The following SLC45A2 variants were observed in gnomAD, a reference collection of about 807,000 sequenced individuals.
SLC45A2 encodes the protein membrane-associated transporter protein.
Under a neutral mutation model 45.5 loss-of-function variants are expected in SLC45A2, and 36 were observed. The ratio of observed to expected loss-of-function variants is 0.79; its 90% CI spans 0.61 to 1.04. SLC45A2 has a LOEUF of 1.04. Among genes scored for constraint, SLC45A2 ranks in the 50% least tolerant of loss-of-function variants. SLC45A2 has a pLI of 0.00. For synonymous variants in SLC45A2, 306 were observed against 269.3 expected, an observed-to-expected ratio of 1.14 and a Z score of -1.33; for missense variants, 719 against 671.0, an observed-to-expected ratio of 1.07 and a Z score of -0.79.
chr5:33,969,065 C>CTCTCTCTCTCTCTCTCTCTCTCTCTG lies in SLC45A2; in HGVS notation c.563-5050_563-5049insCAGAGAGAGAGAGAGAGAGAGAGAGA. ...AGCTACTCTCTCTCTCTCTCTCTCTCTGTGTGTGTGTGTGTGTGTGTGTGT... is the reference window on the plus strand; with the variant it reads ...AGCTACTCTCTCTCTCTCTCTCTCTCTCTCTCTCTCTCTCTCTCTCTCTCTGTGTGTGTGTGTGTGTGTGTGTGTGT... On this transcript the variant is annotated intron_variant, in intron 2 of 6. Transcript: ENST00000296589. 2.4e-3 allele frequency among the ~76,000 whole-genome samples: 243 copies of CTCTCTCTCTCTCTCTCTCTCTCTCTG among 102,448 alleles called. 2 individuals carry two copies. Among genetic ancestry groups the CTCTCTCTCTCTCTCTCTCTCTCTCTG allele is most frequent in the Non-Finnish European group, 3.8e-3 (188 of 49,642 alleles). The allele number at this position is 102,448 out of a possible 152,430, so 67.2% of individuals were successfully genotyped here.
intron 3 of SLC45A2, among the ~76,000 whole-genome samples, chr5:33,961,138 C>A (rs913072583): frequency 3.3e-5 from 5 of 152,080 alleles, no homozygotes; most frequent in East Asian, 3.9e-4. Context: ...GTGAATGAAC[C>A]AAGCACACAG....
chr5:33,951,616 C>T lies in SLC45A2; in HGVS notation c.1094G>A (p.Arg365Lys). 3 of 1,614,234 alleles carry T rather than the reference C, an allele frequency of 1.9e-6. No individual in the cohort carries two copies. Among genetic ancestry groups the T allele is most frequent in the Non-Finnish European group, 2.5e-6 (3 of 1,180,040 alleles). ...HNSTEFLIYERGVEVGCWGLC... is the reference protein window; with the variant it reads ...HNSTEFLIYEKGVEVGCWGLC... ...GCCCCAACATCCAACCTCGACTCCT[C>T]TTTCGTAGATGAGAAACTCTGTGGA... The change falls in exon 5 of 7, where the codon AGA becomes AAA. Residue 365 changes from arginine (R) to lysine (K), a missense_variant. Arg to Lys is a conservative substitution (Grantham distance 26). Transcript: ENST00000296589.
At chr5:33,946,369 GT>G (rs2111898279) in intron 6 of SLC45A2, 1 of 985,470 alleles carries the variant, frequency 1.0e-6, no homozygotes, top group East Asian at 1.1e-4. Flanking sequence ...TATGTTCAGT[GT>G]TTTTGCAGTT....
rs183222893 is a variant in SLC45A2, at chr5:33,958,108, C to A, written c.889-3604G>T. Among the ~76,000 whole-genome samples, 42 of 152,020 alleles carry A rather than the reference C, an allele frequency of 2.8e-4. 1 individual carries two copies. The highest frequency in any genetic ancestry group is 9.2e-4 in the African/African-American group (38 of 41,480). On this transcript the variant is annotated intron_variant, in intron 3 of 6. Transcript: ENST00000296589. ...GACTGGGTAGTGATGAATTTACAAG[C>A]GAAAAAGGTACAGAGTCATCAGGGA...
In SLC45A2 at chr5:33,951,292, C is replaced by G; in HGVS notation, c.1156+262G>C. ...CAACACTTCATCTTGTAAAGATTCCCTTTCATTTTCCAGAGAAACTTGATC... is the reference window on the plus strand; with the variant it reads ...CAACACTTCATCTTGTAAAGATTCCGTTTCATTTTCCAGAGAAACTTGATC... On this transcript the variant is annotated intron_variant, in intron 5 of 6. Coordinates refer to ENST00000296589, the MANE Select transcript of SLC45A2 (RefSeq NM_016180.5). 3 of 927,934 alleles carry G rather than the reference C, an allele frequency of 3.2e-6. No homozygotes were observed. The East Asian group carries it at 9.6e-5, about 30-fold the overall frequency. 57.5% of individuals were successfully genotyped at this position (927,934 alleles called of 1,614,324 possible).
At chr5:33,977,757 T>C (rs1389414544) in intron 2 of SLC45A2, among the ~76,000 whole-genome samples, 1 of 152,014 alleles carries the variant, frequency 6.6e-6, no homozygotes, top group Non-Finnish European at 1.5e-5. Context: ...TGATGAAAAA[T>C]TATTCAGAGC....
Position 33,965,775 on chromosome 5 carries a change from G to A in SLC45A2, c.563-1759C>T, listed in dbSNP as rs993832490. 1.7e-4 allele frequency among the ~76,000 whole-genome samples: 26 copies of A among 152,176 alleles called. 1 individual carries two copies. The highest frequency in any genetic ancestry group is 5.9e-5 in the Non-Finnish European group (4 of 68,032). On this transcript the variant is annotated intron_variant, in intron 2 of 6. Transcript: ENST00000296589. ...AGGCAGAAGGTATCAGAAGTCATGCGTCAAGCCAAGCAATCAACCAATAAG... is the reference window on the plus strand; with the variant it reads ...AGGCAGAAGGTATCAGAAGTCATGCATCAAGCCAAGCAATCAACCAATAAG...
At chr5:33,964,930 G>A (rs931203487) in intron 2 of SLC45A2, among the ~76,000 whole-genome samples, 1 of 152,150 alleles carries the variant, frequency 6.6e-6, no homozygotes, top group Non-Finnish European at 1.5e-5. Flanking sequence ...TCTGATAAAG[G>A]TGGGGAGATA....
At position 33,945,899 on chromosome 5, in the gene SLC45A2, G is replaced by A. The variant is rs989920888; in HGVS notation, c.1369-1027C>T. 8.0e-5 allele frequency: 74 copies of A among 919,468 alleles called. No individual in the cohort carries two copies. The African/African-American group carries it at 1.1e-3, about 13-fold the overall frequency. 57.0% of individuals were successfully genotyped at this position (919,468 alleles called of 1,614,324 possible). On this transcript the variant is annotated intron_variant, in intron 6 of 6. Coordinates refer to ENST00000296589, the MANE Select transcript of SLC45A2 (RefSeq NM_016180.5). ...TGCTTGGTTTTTATTTAAAAATGCC[G>A]GAAAGATTAACAAAAAACTAGTAAG...
chr5:33,954,364 G>T lies in SLC45A2; in HGVS notation c.1029C>A (p.Gly343=), dbSNP rs1407815442. The part of the protein sequence containing the change: ...SNMLFFTDFM[G]QIVYRGDPYS... ...TGTGCACAGACACGTTCATTACCTG[G>T]CCCATGAAATCTGTGAAGAACAGCA... The change falls in exon 4 of 7, where the codon GGC becomes GGA. Residue 343 remains glycine, a synonymous_variant. Coordinates refer to ENST00000296589, the MANE Select transcript of SLC45A2 (RefSeq NM_016180.5). The T allele has an allele frequency of 1.2e-6, 2 of 1,613,852 alleles. No individual in the cohort carries two copies. Among genetic ancestry groups the T allele is most frequent in the African/African-American group, 2.7e-5 (2 of 74,868 alleles).
intron 2 of SLC45A2, among the ~76,000 whole-genome samples, chr5:33,968,446 A>G (rs575489287): frequency 6.6e-6 from 1 of 152,272 alleles, no homozygotes; most frequent in Admixed American, 6.5e-5. Flanking sequence ...ACATTAGATA[A>G]CAAGCTTTTA....
intron 2 of SLC45A2, among the ~76,000 whole-genome samples, chr5:33,976,755 T>C (rs1752939045): frequency 6.6e-6 from 1 of 152,236 alleles, no homozygotes; most frequent in African/African-American, 2.4e-5. Flanking sequence ...AAAGACCTTT[T>C]GTGTTTTTCT....
intron 3 of SLC45A2, among the ~76,000 whole-genome samples, chr5:33,956,148 C>G (rs749903268): frequency 1.7e-4 from 26 of 152,166 alleles, no homozygotes; most frequent in African/African-American, 2.4e-5. Flanking sequence ...CCATAGACAT[C>G]TCAGTTGGTT....
intron 2 of SLC45A2, among the ~76,000 whole-genome samples, chr5:33,975,755 T>C (rs1165672535): frequency 6.6e-6 from 1 of 152,286 alleles, no homozygotes; most frequent in Admixed American, 6.5e-5. Context: ...TTCAACCTCC[T>C]TAGGCCACTG....
intron 2 of SLC45A2, among the ~76,000 whole-genome samples, chr5:33,967,962 G>A (rs1752650397): frequency 1.4e-5 from 2 of 148,102 alleles, no homozygotes; most frequent in Admixed American, 7.1e-5. Context: ...TTAGGGAAGG[G>A]GGTAAAAAAA....
At chr5:33,962,582 AG>A (rs1752484022) in intron 3 of SLC45A2, among the ~76,000 whole-genome samples, 1 of 152,236 alleles carries the variant, frequency 6.6e-6, no homozygotes, top group Non-Finnish European at 1.5e-5. Context: ...TAAACCCAAC[AG>A]CTTATTATGT....
intron 4 of SLC45A2, among the ~76,000 whole-genome samples, chr5:33,952,362 A>ATT (rs111372186): frequency 7.7e-5 from 11 of 142,658 alleles, no homozygotes; most frequent in African/African-American, 2.8e-4. Flanking sequence ...TATTTGTTGT[A>ATT]TTTTTTTTTT....
intron 2 of SLC45A2, among the ~76,000 whole-genome samples, chr5:33,976,238 A>ATTTT (rs900034152): frequency 2.0e-5 from 3 of 152,122 alleles, no homozygotes; most frequent in Non-Finnish European, 4.4e-5. Context: ...ATCAACCTGG[A>ATTTT]TTTTTGGGTG....
intron 2 of SLC45A2, among the ~76,000 whole-genome samples, chr5:33,972,979 A>G (rs1266034851): frequency 6.6e-6 from 1 of 152,236 alleles, no homozygotes; most frequent in Non-Finnish European, 1.5e-5. Context: ...CTCATTCTAA[A>G]AAGTTGAATA....
Sources: allele counts gnomAD v4.1 joint callset (sites outside exome capture counted in the v4.1 genomes callset), GRCh38; gene constraint gnomAD v4.1.1; transcripts MANE v1.5; gene names NCBI Gene and HGNC (gene_info 2026-07-23, HGNC 2026-07-21).